Variants in STON2 observed in about 807,000 individuals in gnomAD.
STON2 encodes stonin 2, also known as stonin-2.
A neutral mutation model predicts 65.7 loss-of-function variants in STON2; 29 were observed. The ratio of observed to expected loss-of-function variants is 0.44; its 90% CI spans 0.33 to 0.60. The LOEUF is 0.60. Among genes scored for constraint, STON2 ranks in the 20% least tolerant of loss-of-function variants. The pLI is 0.03. For synonymous variants in STON2, 404 were observed against 414.2 expected (o/e 0.98, Z 0.30); for missense variants, 1,054 against 1,118.1 (o/e 0.94, Z 0.82).
At chr14:81,271,008 C>G in intron 6 of STON2, 136 bp from the exon 7 acceptor site, 1 of 1,169,070 alleles carries the variant, frequency 8.6e-7, no homozygotes, top group Non-Finnish European at 1.1e-6. Flanking sequence ...CAGTGTTGAG[C>G]ACGAGGATCC....
At chr14:81,425,927 G>A (rs908631714) in intron 2 of STON2, among the ~76,000 whole-genome samples, 2 of 152,122 alleles carry the variant, frequency 1.3e-5, no homozygotes, top group Non-Finnish European at 2.9e-5. Flanking sequence ...AGCAATATAA[G>A]TGGAATTAAA....
chr14:81,366,434 T>C (rs1223288128), intron 4 of STON2, among the ~76,000 whole-genome samples: 1 of 152,082 alleles, frequency 6.6e-6, no homozygotes, highest in Admixed American at 6.5e-5. Context: ...TCACAGAACA[T>C]GAGGTGCCCA....
intron 4 of STON2, among the ~76,000 whole-genome samples, chr14:81,369,841 C>T (rs559417357): frequency 6.6e-5 from 10 of 152,302 alleles, no homozygotes; most frequent in Non-Finnish European, 1.2e-4. Flanking sequence ...TCCTAACAGC[C>T]TCAGCTGCTG....
intron 3 of STON2, among the ~76,000 whole-genome samples, chr14:81,392,358 G>A (rs1423801557): frequency 6.6e-6 from 1 of 152,148 alleles, no homozygotes; most frequent in Non-Finnish European, 1.5e-5. Flanking sequence ...AAGTGCTCTA[G>A]ATGAACTCTG....
chr14:81,354,961 A>G (rs544491125), intron 4 of STON2, among the ~76,000 whole-genome samples: 2 of 152,220 alleles, frequency 1.3e-5, no homozygotes, highest in African/African-American at 4.8e-5. Flanking sequence ...CGGAAGTTGC[A>G]GTGAGCAGAG....
intron 7 of STON2, chr14:81,269,393 G>C (rs1029567639): frequency 9.7e-5 from 96 of 985,154 alleles, no homozygotes; most frequent in Non-Finnish European, 1.1e-4. Flanking sequence ...GCAAAATACT[G>C]TCACTGTAAT....
At position 81,271,934 on chromosome 14, in the gene STON2, AC is replaced by A. The variant is rs1894612738; in HGVS notation, c.2582-1063del. 1.3e-5 allele frequency among the ~76,000 whole-genome samples: 2 copies of A among 152,182 alleles called. 1 individual carries two copies. Among genetic ancestry groups the A allele is most frequent in the South Asian group, 4.1e-4 (2 of 4,826 alleles). ...AAGGCTTAGGGAGGTAAAATGAGCT[AC>A]CCACAGTCACAGCTAGAAAGTGGCA... is the stretch of plus-strand genomic sequence containing the variant. On this transcript the variant is annotated intron_variant, in intron 6 of 7. Coordinates refer to ENST00000614646, the MANE Select transcript of STON2 (RefSeq NM_001394390.1).
Position 81,342,013 on chromosome 14 carries a change from T to A in STON2, c.572-17826A>T, listed in dbSNP as rs547785105. ...CATTCACAGGCACTGATCTAGGAGT[T>A]CAGATGCTGGCTCACATAATACATG... On this transcript the variant is annotated intron_variant, in intron 4 of 7. Coordinates refer to ENST00000614646, the MANE Select transcript of STON2 (RefSeq NM_001394390.1). 2.0e-4 allele frequency among the ~76,000 whole-genome samples: 30 copies of A among 152,318 alleles called. 1 individual carries two copies. In the East Asian group the frequency reaches 3.3e-3, roughly 17 times the overall value.
At position 81,262,933 on chromosome 14, in the gene STON2, G is replaced by C; in HGVS notation, c.*5481C>G. ...TCTAAAGCCAGTCTCATTTAAACAA[G>C]ATAAGAAATGGTTTGTGGGGAATTA... On this transcript the variant is annotated 3_prime_UTR_variant, in exon 8 of 8. Transcript: ENST00000614646. 1 of 985,364 alleles carries C rather than the reference G, an allele frequency of 1.0e-6. No individual in the cohort carries two copies. The highest frequency in any genetic ancestry group is 4.7e-5 in the South Asian group (1 of 21,284). The allele number at this position is 985,364 out of a possible 1,614,324, so 61.0% of individuals were successfully genotyped here. A position where few individuals can be genotyped will look rare whatever the true frequency, so the allele number is the denominator to read the frequency against.
intron 3 of STON2, among the ~76,000 whole-genome samples, chr14:81,379,485 T>C (rs1182383877): frequency 6.6e-6 from 1 of 152,162 alleles, no homozygotes; most frequent in Non-Finnish European, 1.5e-5. Flanking sequence ...ATGTTAATTC[T>C]CCCCAAACTG....
At position 81,305,133 on chromosome 14, in the gene STON2, T is replaced by C. The variant is rs1896121002; in HGVS notation, c.742+18884A>G. 1.3e-5 allele frequency among the ~76,000 whole-genome samples: 2 copies of C among 152,262 alleles called. 1 individual carries two copies. Among genetic ancestry groups the C allele is most frequent in the South Asian group, 4.1e-4 (2 of 4,832 alleles). On this transcript the variant is annotated intron_variant, in intron 5 of 7. Coordinates refer to ENST00000614646, the MANE Select transcript of STON2 (RefSeq NM_001394390.1). ...TGATGTGTTAGTTTGCATTTCTGCA[T>C]CGTATTCAATTGTGTGAATGTGACA...
chr14:81,308,761 C>A (rs2140205379), intron 5 of STON2, among the ~76,000 whole-genome samples: 3 of 135,082 alleles, frequency 2.2e-5, no homozygotes, highest in African/African-American at 5.5e-5. Flanking sequence ...CCAAATTCAC[C>A]CAGAGGACAT....
chr14:81,317,895 T>G (rs375499110), intron 5 of STON2, among the ~76,000 whole-genome samples: 2 of 152,158 alleles, frequency 1.3e-5, no homozygotes, highest in African/African-American at 4.8e-5. Context: ...GGAATTCCAA[T>G]GCCATCTCTG....
chr14:81,430,384 A>G (rs1355323889), intron 1 of STON2, among the ~76,000 whole-genome samples: 1 of 152,238 alleles, frequency 6.6e-6, no homozygotes, highest in Non-Finnish European at 1.5e-5. Flanking sequence ...CACTCAGCAG[A>G]TGGTCAATAC....
intron 4 of STON2, among the ~76,000 whole-genome samples, chr14:81,347,004 C>T (rs79912173): frequency 0.026 from 3,935 of 151,424 alleles, 164 homozygotes; most frequent in East Asian, 0.16. Context: ...CAAGGAACTA[C>T]GAAAACAAGG....
intron 4 of STON2, among the ~76,000 whole-genome samples, chr14:81,344,193 T>G (rs1897727449): frequency 6.6e-6 from 1 of 152,228 alleles, no homozygotes; most frequent in South Asian, 2.1e-4. Context: ...ATATTTCATT[T>G]TATTTCAAAA....
At chr14:81,334,904 C>G (rs1408326718) in intron 4 of STON2, among the ~76,000 whole-genome samples, 2 of 152,080 alleles carry the variant, frequency 1.3e-5, no homozygotes, top group Admixed American at 6.6e-5. Flanking sequence ...GTGGTGTGAT[C>G]TCAGCTCACT....
intron 5 of STON2, among the ~76,000 whole-genome samples, chr14:81,296,648 C>A (rs558603089): frequency 6.6e-6 from 1 of 152,272 alleles, no homozygotes; most frequent in South Asian, 2.1e-4. Context: ...TGTCTCCCCA[C>A]TCATAAGCAA....
intron 4 of STON2, among the ~76,000 whole-genome samples, chr14:81,351,518 G>A (rs1310966234): frequency 2.0e-5 from 3 of 152,166 alleles, no homozygotes; most frequent in African/African-American, 7.2e-5. Context: ...AGAACTGTGT[G>A]AGAGAAAACA....
Sources: gnomAD v4.1 joint callset for allele counts (sites outside exome capture counted in the v4.1 genomes callset) on GRCh38, gnomAD v4.1.1 for gene constraint, MANE v1.5 for transcripts, NCBI Gene and HGNC (gene_info 2026-07-23, HGNC 2026-07-21) for gene names.